TAF6L: variants seen among roughly 807,000 people sequenced by gnomAD.
The protein encoded by TAF6L is TAF6-like RNA polymerase II p300/CBP-associated factor-associated factor 65 kDa subunit 6L.
TAF6L carries 34 observed loss-of-function variants against 57.3 expected under a neutral mutation model. The observed-to-expected ratio is 0.59, with a 90% CI of 0.45 to 0.79. TAF6L has a LOEUF of 0.79. TAF6L is among the 30% of genes least tolerant of loss of function. The pLI is 0.00. For missense variants in TAF6L, 782 were observed against 853.2 expected (o/e 0.92, Z 1.04); for synonymous variants, 417 against 376.3 (o/e 1.11, Z -1.25).
rs2084157528 is a variant in TAF6L, at chr11:62,772,729, C to T, written c.-14+1239C>T. Among the ~76,000 whole-genome samples, 5 of 147,080 alleles carry T rather than the reference C, an allele frequency of 3.4e-5. No individual in the cohort carries two copies. The South Asian group carries it at 1.1e-3, about 32-fold the overall frequency. On this transcript the variant is annotated intron_variant, in intron 1 of 10. Transcript: ENST00000294168. The stretch of plus-strand genomic sequence containing the variant: ...CCTGTAATCCCAGCTACTCGGGAAG[C>T]GGAGGTTTTAGTGAGCCGAGATCAA...
chr11:62,779,675 AT>A (rs1335989637), intron 6 of TAF6L, among the ~76,000 whole-genome samples: 5 of 149,714 alleles, frequency 3.3e-5, no homozygotes, highest in African/African-American at 1.2e-4. Flanking sequence ...TTAAAAAAAC[AT>A]TTTTTTTAAG....
intron 1 of TAF6L, among the ~76,000 whole-genome samples, chr11:62,772,852 CTT>C (rs35555640): frequency 2.1e-5 from 3 of 142,514 alleles, no homozygotes; most frequent in African/African-American, 7.6e-5. Context: ...TTTAGAAGAT[CTT>C]TTTTTTTTGT....
intron 1 of TAF6L, 47 bp from the exon 2 acceptor site, chr11:62,775,724 C>T (rs573679317): frequency 6.4e-7 from 1 of 1,557,136 alleles, no homozygotes; most frequent in African/African-American, 1.4e-5. Context: ...CTCCTGGGCT[C>T]TCCGGGAGGC....
chr11:62,779,968 ATATATATAT>A (rs1254446146), intron 6 of TAF6L, among the ~76,000 whole-genome samples: 7 of 66,640 alleles, frequency 1.1e-4, no homozygotes, highest in African/African-American at 3.1e-4. Flanking sequence ...ATATATATAT[ATATATATAT>A]TTTTTTTTTT....
chr11:62,775,077 A>AG (rs1386816913), intron 1 of TAF6L, among the ~76,000 whole-genome samples: 19 of 151,550 alleles, frequency 1.3e-4, no homozygotes, highest in Admixed American at 6.6e-4. Flanking sequence ...AAAAAAAAAA[A>AG]AAAGAAAAGA....
At chr11:62,782,013 G>T in intron 7 of TAF6L, 45 bp downstream of exon 7, 1 of 1,609,382 alleles carries the variant, frequency 6.2e-7, no homozygotes, top group Middle Eastern at 1.7e-4. Context: ...ATAAGGAAGA[G>T]ATGACCCAGC....
chr11:62,781,721 G>T, intron 6 of TAF6L, 173 bp from the exon 7 acceptor site: 1 of 595,932 alleles, frequency 1.7e-6, no homozygotes, highest in Non-Finnish European at 3.0e-6. Flanking sequence ...GCAGGTATAT[G>T]TGAATGAGTT....
At chr11:62,778,225 G>A (rs1417711114) in intron 4 of TAF6L, 60 bp from the exon 5 acceptor site, 1 of 1,613,526 alleles carries the variant, frequency 6.2e-7, no homozygotes, top group African/African-American at 1.3e-5. Context: ...ACTTGGAGGG[G>A]TAGGCGGTAC....
rs753045776 is a variant in TAF6L at position 62,782,855 on chromosome 11, G to A, written c.960+30G>A. ...GCACCCTGGCCTTTCTCACACAGCCGTAAGAACTCCCATTTGTGTTAGAAA... is the reference window on the plus strand; with the variant it reads ...GCACCCTGGCCTTTCTCACACAGCCATAAGAACTCCCATTTGTGTTAGAAA... On this transcript the variant is annotated intron_variant, in intron 9 of 10. Coordinates refer to ENST00000294168, the MANE Select transcript of TAF6L (RefSeq NM_006473.4). The A allele has an allele frequency of 6.8e-6, 11 of 1,608,894 alleles. No homozygotes were observed. The African/African-American group carries it at 8.0e-5, about 12-fold the overall frequency.
chr11:62,785,172 A>G (rs538327426), intron 9 of TAF6L, among the ~76,000 whole-genome samples: 1 of 145,468 alleles, frequency 6.9e-6, no homozygotes, highest in South Asian at 2.2e-4. Flanking sequence ...ACTTTTGTAA[A>G]TTCTGGCATG....
Position 62,784,306 on chromosome 11 carries a change from ATT to A in TAF6L, c.960+1496_960+1497del, listed in dbSNP as rs1030701221. On this transcript the variant is annotated intron_variant, in intron 9 of 10. Transcript: ENST00000294168. ...GCCTGGCCATATATATATATTCTTA[ATT>A]TTTTTTTTTTTTTTGAGACGGAGTC... Among the ~76,000 whole-genome samples the A allele has an allele frequency of 1.2e-3, 137 of 118,750 alleles. 3 individuals carry two copies. Among genetic ancestry groups the A allele is most frequent in the Middle Eastern group, 6.1e-3 (1 of 164 alleles). The allele number at this position is 118,750 out of a possible 152,430, so 77.9% of individuals were successfully genotyped here.
chr11:62,786,502 C>T lies in TAF6L; in HGVS notation c.1090-15C>T. ...CCTCGAATTTTTTGCCTATCTTAGTCCTTGGCTCTTACAGGTGGCGGTAGA... is the reference window on the plus strand; with the variant it reads ...CCTCGAATTTTTTGCCTATCTTAGTTCTTGGCTCTTACAGGTGGCGGTAGA... On this transcript the variant is annotated splice_polypyrimidine_tract_variant and intron_variant, in intron 10 of 10. Coordinates refer to ENST00000294168, the MANE Select transcript of TAF6L (RefSeq NM_006473.4). 2.6e-6 allele frequency: 4 copies of T among 1,566,936 alleles called. No individual in the cohort carries two copies. Among genetic ancestry groups the T allele is most frequent in the Non-Finnish European group, 3.5e-6 (4 of 1,151,776 alleles).
intron 1 of TAF6L, among the ~76,000 whole-genome samples, chr11:62,773,807 C>T (rs2084166907): frequency 6.6e-6 from 1 of 152,178 alleles, no homozygotes; most frequent in Non-Finnish European, 1.5e-5. Context: ...TCTAGGAAGA[C>T]ATCCCTGAGC....
intron 2 of TAF6L, 29 bp from the exon 3 acceptor site, chr11:62,776,355 G>T: frequency 6.2e-7 from 1 of 1,611,412 alleles, no homozygotes; most frequent in South Asian, 1.1e-5. Context: ...CACATCCTTT[G>T]ACTCTGGCTT....
Position 62,778,655 on chromosome 11 carries a change from G to C in TAF6L, c.437-214G>C. 3 of 612,872 alleles carry C rather than the reference G, an allele frequency of 4.9e-6. No individual in the cohort carries two copies. In the South Asian group the frequency reaches 5.9e-5, roughly 12 times the overall value. 38.0% of individuals were successfully genotyped at this position (612,872 alleles called of 1,614,324 possible). On this transcript the variant is annotated intron_variant, in intron 5 of 10. Coordinates refer to ENST00000294168, the MANE Select transcript of TAF6L (RefSeq NM_006473.4). ...AGCTCTCAGGAGTCCGTCTGGCAGA[G>C]GGTGGGTGGAAGACAGGACAGAGCA...
At chr11:62,777,261 A>C (rs986946216) in intron 3 of TAF6L, among the ~76,000 whole-genome samples, 2 of 152,190 alleles carry the variant, frequency 1.3e-5, no homozygotes, top group Non-Finnish European at 2.9e-5. Flanking sequence ...TGGAAGGCGT[A>C]GGTTGCAGTG....
chr11:62,783,979 A>T (rs1038471154), intron 9 of TAF6L, among the ~76,000 whole-genome samples: 2 of 15,104 alleles, frequency 1.3e-4, no homozygotes, highest in Admixed American at 8.1e-4. Flanking sequence ...GAATCTTGCC[A>T]AGATGGCGCC....
intron 1 of TAF6L, chr11:62,771,829 A>T: frequency 3.4e-6 from 1 of 294,234 alleles, no homozygotes; most frequent in Non-Finnish European, 6.8e-6. Context: ...ATAATAGGGA[A>T]ACTCCCTCCG....
At chr11:62,776,957 C>T (rs541409331) in intron 3 of TAF6L, among the ~76,000 whole-genome samples, 13 of 151,854 alleles carry the variant, frequency 8.6e-5, no homozygotes, top group African/African-American at 3.1e-4. Flanking sequence ...GACCAACCTG[C>T]CCAACATGGT....
Sources: allele counts gnomAD v4.1 joint callset (sites outside exome capture counted in the v4.1 genomes callset), GRCh38; gene constraint gnomAD v4.1.1; transcripts MANE v1.5; gene names NCBI Gene and HGNC (gene_info 2026-07-23, HGNC 2026-07-21).